Variants in PARD3B observed in about 807,000 individuals in gnomAD.
PARD3B encodes the protein partitioning defective 3 homolog B.
In PARD3B, 103 loss-of-function variants were observed where a neutral mutation model predicts 130.2. That is an observed-to-expected ratio of 0.79 (90% CI 0.67 to 0.93). The LOEUF (loss-of-function observed/expected upper bound fraction) is 0.93. PARD3B is among the 40% of genes least tolerant of loss of function. PARD3B has a pLI of 0.00. For synonymous variants in PARD3B, 583 were observed against 553.2 expected (o/e 1.05, Z -0.76); for missense variants, 1,609 against 1,499.2 (o/e 1.07, Z -1.21).
chr2:204,869,487 C>T (rs1167460731), intron 2 of PARD3B, among the ~76,000 whole-genome samples: 1 of 152,076 alleles, frequency 6.6e-6, no homozygotes, highest in African/African-American at 2.4e-5. Context: ...CTGACAATTT[C>T]TGGGTTTTGC....
intron 20 of PARD3B, among the ~76,000 whole-genome samples, chr2:205,479,964 G>A (rs1473895262): frequency 6.8e-6 from 1 of 146,946 alleles, no homozygotes; most frequent in African/African-American, 2.5e-5. Flanking sequence ...GTGCACTGGT[G>A]CAATCTCAGC....
chr2:205,379,182 A>G (rs2045206281), intron 18 of PARD3B, among the ~76,000 whole-genome samples: 1 of 152,162 alleles, frequency 6.6e-6, no homozygotes, highest in African/African-American at 2.4e-5. Flanking sequence ...AAGGCTCCAT[A>G]ATTCAGCTAC....
intron 2 of PARD3B, among the ~76,000 whole-genome samples, chr2:204,734,730 G>A (rs972334130): frequency 6.6e-6 from 1 of 152,116 alleles, no homozygotes; most frequent in African/African-American, 2.4e-5. Context: ...TAGATCAGTG[G>A]TTCCTAGGGG....
chr2:204,686,925 T>C (rs1306334500), intron 2 of PARD3B, among the ~76,000 whole-genome samples: 1 of 152,194 alleles, frequency 6.6e-6, no homozygotes, highest in East Asian at 1.9e-4. Context: ...CACACGATTA[T>C]TGCTGTTGAG....
chr2:205,124,315 CT>C lies in PARD3B; in HGVS notation c.1166-10del. The C allele has an allele frequency of 6.6e-7, 1 of 1,521,684 alleles. No individual in the cohort carries two copies. Among genetic ancestry groups the C allele is most frequent in the Admixed American group, 2.0e-5 (1 of 51,118 alleles). 94.3% of individuals were successfully genotyped at this position (1,521,684 alleles called of 1,614,324 possible). A position where few individuals can be genotyped will look rare whatever the true frequency, so the allele number is the denominator to read the frequency against. On this transcript the variant is annotated splice_polypyrimidine_tract_variant and intron_variant, in intron 8 of 22. Transcript: ENST00000406610. Reference sequence around the variant, plus strand: ...TAAGATGACTATACATTTTCCTGTTCTTATACACTAGGCCCTGAAGGACTTG... The same window carrying C: ...TAAGATGACTATACATTTTCCTGTTCTATACACTAGGCCCTGAAGGACTTG...
chr2:204,616,752 A>G (rs1246143805), intron 1 of PARD3B, among the ~76,000 whole-genome samples: 1 of 152,218 alleles, frequency 6.6e-6, no homozygotes, highest in African/African-American at 2.4e-5. Flanking sequence ...TGAATAAATG[A>G]TGGTACATCC....
At chr2:205,251,816 G>A (rs1015109347) in intron 16 of PARD3B, among the ~76,000 whole-genome samples, 2 of 152,120 alleles carry the variant, frequency 1.3e-5, no homozygotes, top group African/African-American at 4.8e-5. Flanking sequence ...GACTCATTAA[G>A]ATATGACAGC....
rs764178548 is a variant in PARD3B at position 205,562,022 on chromosome 2, G to A, written c.3260+8619G>A. Among the ~76,000 whole-genome samples, 7 of 152,090 alleles carry A rather than the reference G, an allele frequency of 4.6e-5. No individual in the cohort carries two copies. Among genetic ancestry groups the A allele is most frequent in the Non-Finnish European group, 8.8e-5 (6 of 68,032 alleles). On this transcript the variant is annotated intron_variant, in intron 22 of 22. Coordinates refer to ENST00000406610, the MANE Select transcript of PARD3B (RefSeq NM_001302769.2). This position sits in a 1 kb window ranked among gnomAD's most constrained non-coding sequence, Gnocchi z 5.4. ...AAGGACAAAATGATGAATTAGCAGC[G>A]ATTTAATTCTTTGTGAGATTAAGAT... is the stretch of plus-strand genomic sequence containing the variant.
chr2:205,566,251 G>C (rs2053329599), intron 22 of PARD3B, among the ~76,000 whole-genome samples: 1 of 152,222 alleles, frequency 6.6e-6, no homozygotes, highest in South Asian at 2.1e-4. Flanking sequence ...GATATGGTTG[G>C]ATTTGTGATC....
At chr2:205,551,912 C>G (rs1325782208) in intron 21 of PARD3B, among the ~76,000 whole-genome samples, 2 of 152,186 alleles carry the variant, frequency 1.3e-5, no homozygotes, top group Non-Finnish European at 2.9e-5. Context: ...TTACTCCTTC[C>G]ATGCCCATGT....
chr2:205,437,315 T>C (rs1303929731), intron 19 of PARD3B, among the ~76,000 whole-genome samples: 1 of 152,176 alleles, frequency 6.6e-6, no homozygotes, highest in Non-Finnish European at 1.5e-5. Context: ...TCATCTCTTA[T>C]TAGAGATCCT....
chr2:204,854,567 G>A (rs1051661923), intron 2 of PARD3B, among the ~76,000 whole-genome samples: 2 of 152,046 alleles, frequency 1.3e-5, no homozygotes, highest in African/African-American at 4.8e-5. Context: ...ATGGGGCATC[G>A]TTTTCACCCA....
chr2:205,080,400 A>G (rs1701331918), intron 4 of PARD3B, among the ~76,000 whole-genome samples: 1 of 152,088 alleles, frequency 6.6e-6, no homozygotes. Context: ...TTTAAATAAT[A>G]TACTTAAACA....
intron 2 of PARD3B, among the ~76,000 whole-genome samples, chr2:204,896,487 T>C (rs973446623): frequency 1.3e-5 from 2 of 152,208 alleles, no homozygotes; most frequent in Admixed American, 1.3e-4. Context: ...ATCTAAACTT[T>C]TATTACATAT....
At chr2:205,199,105 A>G (rs1395619426) in intron 15 of PARD3B, among the ~76,000 whole-genome samples, 2 of 152,176 alleles carry the variant, frequency 1.3e-5, no homozygotes, top group East Asian at 3.8e-4. Flanking sequence ...GTCAAAATAA[A>G]GGAATTATAG....
intron 22 of PARD3B, among the ~76,000 whole-genome samples, chr2:205,586,412 A>AT (rs1166844750): frequency 3.3e-5 from 5 of 152,068 alleles, no homozygotes; most frequent in African/African-American, 1.2e-4. Flanking sequence ...TTCCATTATG[A>AT]TTTTCTCTCT....
At chr2:204,775,000 C>G (rs1419210413) in intron 2 of PARD3B, among the ~76,000 whole-genome samples, 2 of 152,084 alleles carry the variant, frequency 1.3e-5, no homozygotes, top group African/African-American at 4.8e-5. Flanking sequence ...CTCTATATGT[C>G]TAAAAATGCC....
intron 18 of PARD3B, among the ~76,000 whole-genome samples, chr2:205,380,434 TTATATAAAGAATACATATATATAA>T (rs1293376584): frequency 2.2e-5 from 1 of 44,568 alleles, no homozygotes; most frequent in African/African-American, 1.0e-4. Context: ...ATATTATATA[TTATATAAAGAATACATATATATAA>T]TATATAAAGA....
intron 2 of PARD3B, among the ~76,000 whole-genome samples, chr2:204,777,844 C>T (rs185901401): frequency 1.3e-5 from 2 of 152,200 alleles, no homozygotes; most frequent in East Asian, 1.9e-4. Flanking sequence ...GAACTGTAAT[C>T]CCCACATGTC....
Sources: allele counts gnomAD v4.1 joint callset (sites outside exome capture counted in the v4.1 genomes callset), GRCh38; gene constraint gnomAD v4.1.1; non-coding constraint Gnocchi (gnomAD v3.1); transcripts MANE v1.5; gene names NCBI Gene and HGNC (gene_info 2026-07-23, HGNC 2026-07-21).